ACAP2: variants seen among roughly 807,000 people sequenced by gnomAD.
ACAP2 encodes ArfGAP with coiled-coil, ankyrin repeat and PH domains 2.
ACAP2 carries 39 observed loss-of-function variants against 115.8 expected under a neutral mutation model. The observed-to-expected ratio is 0.34, with a 90% confidence interval of 0.26 to 0.44. ACAP2 has a LOEUF of 0.44. Ranked by LOEUF, ACAP2 falls within the 20% of genes least tolerant of loss-of-function variation. ACAP2 has a pLI of 1.00. For synonymous variants in ACAP2, 289 were observed against 315.8 expected, an observed-to-expected ratio of 0.92 and a Z score of 0.90; for missense variants, 662 against 927.6, an observed-to-expected ratio of 0.71 and a Z score of 3.72.
intron 2 of ACAP2, among the ~76,000 whole-genome samples, chr3:195,391,084 GAATT>G (rs1158943781): frequency 1.3e-5 from 2 of 152,012 alleles, no homozygotes; most frequent in African/African-American, 4.8e-5. Context: ...CTTAAAAATG[GAATT>G]AATATTTTAA....
At chr3:195,332,823 G>A (rs1730262992) in intron 8 of ACAP2, among the ~76,000 whole-genome samples, 1 of 152,138 alleles carries the variant, frequency 6.6e-6, no homozygotes, top group Non-Finnish European at 1.5e-5. Flanking sequence ...TTTGCCTTCT[G>A]CCATCATTGT....
Position 195,320,732 on chromosome 3 carries a change from G to T in ACAP2, c.826C>A (p.Arg276=). The T allele has an allele frequency of 1.2e-6, 2 of 1,613,356 alleles. No individual in the cohort carries two copies. Among genetic ancestry groups the T allele is most frequent in the South Asian group, 2.2e-5 (2 of 91,042 alleles). The part of the protein sequence containing the change: ...GIVMEGYLFK[R]ASNAFKTWNR... ...CAAGTTTTGAAGGCATTGCTGGCTC[G>T]TTTGAACAGATATCCTTCCATAACT... Residue 276 remains arginine (R), a synonymous_variant, in exon 10 of 23, where the codon CGA becomes AGA. Coordinates refer to ENST00000326793, the MANE Select transcript of ACAP2 (RefSeq NM_012287.6).
intron 5 of ACAP2, 35 bp downstream of exon 5, chr3:195,345,224 T>C: frequency 1.4e-6 from 2 of 1,452,272 alleles, no homozygotes; most frequent in Non-Finnish European, 1.9e-6. Flanking sequence ...CATTAACTAG[T>C]TAATTTTCTT....
chr3:195,437,512 G>A (rs983375479), intron 1 of ACAP2, among the ~76,000 whole-genome samples: 4 of 152,064 alleles, frequency 2.6e-5, no homozygotes, highest in Admixed American at 6.5e-5. Flanking sequence ...AGATTTTTCC[G>A]GATTTTTTAA....
At chr3:195,431,539 G>A (rs911841336) in intron 1 of ACAP2, among the ~76,000 whole-genome samples, 2 of 151,722 alleles carry the variant, frequency 1.3e-5, no homozygotes, top group Non-Finnish European at 2.9e-5. Context: ...CTGGGTTCAC[G>A]CCATTCTCCT....
At chr3:195,356,349 C>T (rs956305987) in intron 4 of ACAP2, 7 of 359,364 alleles carry the variant, frequency 1.9e-5, no homozygotes, top group African/African-American at 4.2e-5. Flanking sequence ...CTGCAAGCCT[C>T]GCCACCACAG....
In ACAP2 at chr3:195,297,324, G is replaced by C. The variant is rs778845379; in HGVS notation, c.1396-43C>G. 1.2e-5 allele frequency: 18 copies of C among 1,547,780 alleles called. No individual in the cohort carries two copies. In the Admixed American group the frequency reaches 3.3e-4, roughly 28 times the overall value. Reference sequence around the variant, plus strand: ...ATAGAAAAATAAGCTATACATTAAAGACCTTAAAATAAGCTAAAATTTAAA... The same window carrying C: ...ATAGAAAAATAAGCTATACATTAAACACCTTAAAATAAGCTAAAATTTAAA... On this transcript the variant is annotated intron_variant, in intron 15 of 22. Transcript: ENST00000326793.
chr3:195,374,732 T>TTTCTTTTTC, intron 4 of ACAP2, among the ~76,000 whole-genome samples: 1 of 152,300 alleles, frequency 6.6e-6, no homozygotes, highest in South Asian at 2.1e-4. Context: ...TTTTCTTTTT[T>TTTCTTTTTC]GAGACGGAGT....
Position 195,307,323 on chromosome 3 carries a change from C to T in ACAP2, c.910G>A (p.Asp304Asn). The change falls in exon 12 of 23, where the codon GAT (aspartate) becomes AAT (asparagine). Residue 304 changes from aspartate (D) to asparagine (N), a missense_variant and splice_region_variant. This residue lies in a region of ACAP2 where 401 missense variants were observed against 604.4 expected (regional missense o/e 0.66). Coordinates refer to ENST00000326793, the MANE Select transcript of ACAP2 (RefSeq NM_012287.6). Reference protein sequence around the residue: ...NQLVYQKKFKDNPTVVVEDLR... With the variant: ...NQLVYQKKFKNNPTVVVEDLR... ...TCTTCAACTACCACAGTCGGATTAT[C>T]CTATAGTGAGGAAACCAAATTTCCA... is the stretch of plus-strand genomic sequence containing the variant. 1 of 1,603,194 alleles carries T rather than the reference C, an allele frequency of 6.2e-7. No homozygotes were observed. The highest frequency in any genetic ancestry group is 8.5e-7 in the Non-Finnish European group (1 of 1,174,074).
At chr3:195,311,196 A>C (rs996421978) in intron 10 of ACAP2, among the ~76,000 whole-genome samples, 4 of 150,752 alleles carry the variant, frequency 2.7e-5, no homozygotes. Context: ...TCCTGGGTTC[A>C]AGCGATCCTG....
At chr3:195,420,625 G>A (rs1264023359) in intron 1 of ACAP2, among the ~76,000 whole-genome samples, 1 of 151,510 alleles carries the variant, frequency 6.6e-6, no homozygotes, top group Non-Finnish European at 1.5e-5. Flanking sequence ...TTACAGGCGT[G>A]AGCCACTGCG....
At chr3:195,398,686 C>T (rs971897127) in intron 1 of ACAP2, among the ~76,000 whole-genome samples, 11 of 134,714 alleles carry the variant, frequency 8.2e-5, no homozygotes, top group Non-Finnish European at 1.6e-5. Context: ...AATAAAATGT[C>T]TCTGCCTTCA....
intron 21 of ACAP2, among the ~76,000 whole-genome samples, chr3:195,287,453 C>T (rs1378475083): frequency 2.6e-5 from 4 of 151,200 alleles, no homozygotes; most frequent in South Asian, 2.1e-4. Context: ...CAAGTAGCTA[C>T]GACTACACGC....
At chr3:195,348,443 T>C (rs1270381497) in intron 4 of ACAP2, among the ~76,000 whole-genome samples, 1 of 152,114 alleles carries the variant, frequency 6.6e-6, no homozygotes, top group Admixed American at 6.5e-5. Context: ...AGAACAGTAC[T>C]TCTACACAAA....
At chr3:195,410,818 T>TCC (rs1198301553) in intron 1 of ACAP2, 1 of 161,294 alleles carries the variant, frequency 6.2e-6, no homozygotes, top group East Asian at 1.9e-4. Flanking sequence ...ACATGAGGGC[T>TCC]CCGCCTTCAT....
chr3:195,435,236 G>A (rs1190937586), intron 1 of ACAP2, among the ~76,000 whole-genome samples: 2 of 151,364 alleles, frequency 1.3e-5, no homozygotes, highest in Admixed American at 6.6e-5. Flanking sequence ...GTGCAGTGGC[G>A]TACTCTTGGC....
chr3:195,344,816 G>A (rs962147269), intron 5 of ACAP2, among the ~76,000 whole-genome samples: 5 of 152,064 alleles, frequency 3.3e-5, no homozygotes, highest in East Asian at 1.9e-4. Context: ...ACTGCGCCCC[G>A]GCCCAAAAAT....
Position 195,291,752 on chromosome 3 carries a change from G to C in ACAP2, c.2017C>G (p.Gln673Glu), listed in dbSNP as rs750603565. The change falls in exon 20 of 23, where the codon CAA (glutamine) becomes GAA (glutamate). Residue 673 changes from glutamine to glutamate, a missense_variant. This residue lies in a region of ACAP2 where 128 missense variants were observed against 200.2 expected (regional missense o/e 0.64). Coordinates refer to ENST00000326793, the MANE Select transcript of ACAP2 (RefSeq NM_012287.6). ...GCATGGTGCAATGGTCCCCGCCCTT[G>C]GACATCTCTTTGGTTGACATTAGCA... Reference protein sequence around the residue: ...NGANVNQRDVQGRGPLHHATV... With the variant: ...NGANVNQRDVEGRGPLHHATV... 43 of 1,614,034 alleles carry C rather than the reference G, an allele frequency of 2.7e-5. No individual in the cohort carries two copies. The South Asian group carries it at 4.7e-4, about 18-fold the overall frequency.
intron 1 of ACAP2, among the ~76,000 whole-genome samples, chr3:195,411,943 C>T (rs1577438191): frequency 6.7e-6 from 1 of 150,042 alleles, no homozygotes; most frequent in African/African-American, 2.4e-5. Flanking sequence ...TGTTTTTAAG[C>T]TGGATCTTGA....
Sources: gnomAD v4.1 joint callset for allele counts (sites outside exome capture counted in the v4.1 genomes callset) on GRCh38, gnomAD v4.1.1 for gene constraint, gnomAD v4.1.1 regional missense constraint, MANE v1.5 for transcripts, NCBI Gene and HGNC (gene_info 2026-07-23, HGNC 2026-07-21) for gene names.